Variants in SPATS2L observed in about 807,000 individuals in gnomAD.
SPATS2L encodes the protein spermatogenesis associated serine rich 2 like, also known as SPATS2-like protein.
Under a neutral mutation model 59.6 loss-of-function variants are expected in SPATS2L, and 30 were observed. That is an observed-to-expected ratio of 0.50 (90% CI 0.38 to 0.68). The LOEUF (loss-of-function observed/expected upper bound fraction) is 0.68, where lower values mean the gene tolerates loss of function less well. SPATS2L is among the 30% of genes least tolerant of loss of function. SPATS2L has a pLI of 0.00. For missense variants in SPATS2L, 615 were observed against 700.0 expected (o/e 0.88, Z 1.37); for synonymous variants, 252 against 263.5 (o/e 0.96, Z 0.42).
chr2:200,376,675 A>T (rs914145561), intron 2 of SPATS2L, among the ~76,000 whole-genome samples: 3 of 152,274 alleles, frequency 2.0e-5, no homozygotes, highest in Admixed American at 2.0e-4. Flanking sequence ...GATCCATTCT[A>T]TGCAGAAGTG....
At chr2:200,330,479 T>G (rs1159540913) in intron 2 of SPATS2L, among the ~76,000 whole-genome samples, 2 of 152,220 alleles carry the variant, frequency 1.3e-5, no homozygotes, top group African/African-American at 4.8e-5. Flanking sequence ...TGAAAGCACT[T>G]TCAGTTGTTC....
chr2:200,472,799 C>T, intron 11 of SPATS2L, 33 bp from the exon 12 acceptor site: 1 of 1,565,676 alleles, frequency 6.4e-7, no homozygotes, highest in Non-Finnish European at 8.8e-7. Context: ...GTTGGAGGTG[C>T]AGCTCGTAAC....
At position 200,388,396 on chromosome 2, in the gene SPATS2L, C is replaced by T. The variant is rs143043592; in HGVS notation, c.-22-827C>T. On this transcript the variant is annotated intron_variant, in intron 2 of 12. Coordinates refer to ENST00000409140, the MANE Select transcript of SPATS2L (RefSeq NM_001100423.2). ...GACCAGCCTGGGCAACAAAGTGAGA[C>T]CCTTGTCTCTACAAAAAATACAAAA... Among the ~76,000 whole-genome samples the T allele has an allele frequency of 3.1e-3, 463 of 151,760 alleles. 6 individuals carry two copies. Among genetic ancestry groups the T allele is most frequent in the African/African-American group, 0.011 (444 of 41,376 alleles).
At chr2:200,451,971 G>T (rs1030049883) in intron 8 of SPATS2L, among the ~76,000 whole-genome samples, 1 of 151,784 alleles carries the variant, frequency 6.6e-6, no homozygotes, top group Non-Finnish European at 1.5e-5. Flanking sequence ...ATATTTTCCA[G>T]TTTTTTAGTA....
rs375762325 is a variant in SPATS2L, at chr2:200,340,568, C to A, written c.-23+11088C>A. Among the ~76,000 whole-genome samples the A allele has an allele frequency of 5.3e-5, 8 of 152,200 alleles. No individual in the cohort carries two copies. The East Asian group carries it at 7.7e-4, about 15-fold the overall frequency. ...GTTCTCTGCTCTTTCAGAGCGCTCA[C>A]ATGGAGGGGGTGCAGCAGGAGGTGG... On this transcript the variant is annotated intron_variant, in intron 2 of 12. Transcript: ENST00000409140.
intron 5 of SPATS2L, among the ~76,000 whole-genome samples, chr2:200,417,756 A>G (rs1449470749): frequency 6.6e-6 from 1 of 152,220 alleles, no homozygotes; most frequent in East Asian, 1.9e-4. Context: ...AAAGGAAAAA[A>G]GCAGGGAGGA....
At chr2:200,367,937 A>G (rs191676217) in intron 2 of SPATS2L, among the ~76,000 whole-genome samples, 6 of 152,358 alleles carry the variant, frequency 3.9e-5, no homozygotes, top group Middle Eastern at 3.4e-3. Context: ...TTAAATTACT[A>G]TACTTAATTT....
At chr2:200,362,024 G>A (rs766123404) in intron 2 of SPATS2L, among the ~76,000 whole-genome samples, 8 of 151,918 alleles carry the variant, frequency 5.3e-5, no homozygotes, top group South Asian at 2.1e-4. Flanking sequence ...GAAGATCTTC[G>A]AGCCCGGGAG....
chr2:200,400,122 ACCAAAAACAAAATG>A (rs200714570), intron 3 of SPATS2L, among the ~76,000 whole-genome samples: 4,150 of 152,182 alleles, frequency 0.027, 93 homozygotes, highest in Non-Finnish European at 0.042. Flanking sequence ...TGATTAAAAT[ACCAAAAACAAAATG>A]CCAAAAACAA....
chr2:200,441,264 A>C (rs1332669253), intron 8 of SPATS2L, among the ~76,000 whole-genome samples: 3 of 152,172 alleles, frequency 2.0e-5, no homozygotes, highest in Non-Finnish European at 4.4e-5. Context: ...ATGGTGCATC[A>C]ATATGGTTTT....
At chr2:200,366,020 T>C (rs1305582523) in intron 2 of SPATS2L, among the ~76,000 whole-genome samples, 1 of 152,238 alleles carries the variant, frequency 6.6e-6, no homozygotes, top group Admixed American at 6.5e-5. Flanking sequence ...TTTCTACTAG[T>C]GTGACTTTCA....
chr2:200,347,938 T>C (rs1263967394), intron 2 of SPATS2L, among the ~76,000 whole-genome samples: 1 of 152,218 alleles, frequency 6.6e-6, no homozygotes, highest in Non-Finnish European at 1.5e-5. Flanking sequence ...TAATAAGTCA[T>C]ATAACTTCTC....
At chr2:200,321,295 C>A (rs2079552430) in intron 1 of SPATS2L, among the ~76,000 whole-genome samples, 1 of 152,156 alleles carries the variant, frequency 6.6e-6, no homozygotes, top group African/African-American at 2.4e-5. Flanking sequence ...TCTGGCTATA[C>A]AACTTACGTA....
chr2:200,392,829 C>A (rs368079373), intron 3 of SPATS2L, among the ~76,000 whole-genome samples: 97 of 152,188 alleles, frequency 6.4e-4, no homozygotes, highest in African/African-American at 2.3e-3. Context: ...GGGAGAACAC[C>A]CAGCTGATGT....
At chr2:200,374,768 C>T (rs2081542965) in intron 2 of SPATS2L, among the ~76,000 whole-genome samples, 1 of 152,140 alleles carries the variant, frequency 6.6e-6, no homozygotes. Context: ...ACCTATTTCA[C>T]CAAACAAGTA....
intron 2 of SPATS2L, among the ~76,000 whole-genome samples, chr2:200,363,999 T>TG (rs2081189913): frequency 6.6e-6 from 1 of 151,544 alleles, no homozygotes; most frequent in Admixed American, 6.6e-5. Flanking sequence ...TCTTGGAGAG[T>TG]GAAAAAAAAC....
At chr2:200,403,433 T>C (rs1377667255) in intron 3 of SPATS2L, among the ~76,000 whole-genome samples, 1 of 152,228 alleles carries the variant, frequency 6.6e-6, no homozygotes, top group Non-Finnish European at 1.5e-5. Flanking sequence ...AAAGGGGTTA[T>C]ACTTACACAC....
chr2:200,453,540 A>G (rs2085616472), intron 8 of SPATS2L, among the ~76,000 whole-genome samples: 2 of 152,232 alleles, frequency 1.3e-5, no homozygotes, highest in African/African-American at 4.8e-5. Flanking sequence ...TTAAATGTAT[A>G]AAGGAAGTTT....
intron 3 of SPATS2L, among the ~76,000 whole-genome samples, chr2:200,403,933 A>G (rs544163792): frequency 4.5e-4 from 69 of 152,290 alleles, no homozygotes; most frequent in African/African-American, 1.5e-3. Flanking sequence ...ACGCAGAGGA[A>G]TGGTTTCCAT....
Sources: gnomAD v4.1 joint callset for allele counts (sites outside exome capture counted in the v4.1 genomes callset) on GRCh38, gnomAD v4.1.1 for gene constraint, MANE v1.5 for transcripts, NCBI Gene and HGNC (gene_info 2026-07-23, HGNC 2026-07-21) for gene names.